Variants in PCDHGB3 observed in about 807,000 individuals in gnomAD.
PCDHGB3 encodes the protein protocadherin gamma subfamily B, 3, also known as protocadherin gamma-B3.
In PCDHGB3, 40 loss-of-function variants were observed where a neutral mutation model predicts 59.2. That is an observed-to-expected ratio of 0.68 (90% CI 0.52 to 0.88). The LOEUF (loss-of-function observed/expected upper bound fraction) is 0.88, where lower values mean the gene tolerates loss of function less well. PCDHGB3 is among the 40% of genes least tolerant of loss of function. The probability of loss-of-function intolerance (pLI) is 0.00; values close to 1 mark genes in which losing one functional copy is unlikely to be tolerated. For missense variants in PCDHGB3, 1,309 were observed against 1,187.9 expected (o/e 1.10, Z -1.50); for synonymous variants, 581 against 503.6 (o/e 1.15, Z -2.06).
intron 1 of PCDHGB3, chr5:141,412,984 C>A: frequency 1.8e-6 from 1 of 558,874 alleles, no homozygotes; most frequent in Non-Finnish European, 3.0e-6. Context: ...GCAGCCAGAG[C>A]TCAATCCGGA....
At position 141,492,138 on chromosome 5, in the gene PCDHGB3, T is replaced by C. The variant is rs577884713; in HGVS notation, c.2416-2669T>C. ...ATTTCTCCCCAGCTCCCAGCATCTG[T>C]GACTTCACTGTTACCCTCCCTATCC... On this transcript the variant is annotated intron_variant, in intron 1 of 3. Coordinates refer to ENST00000576222, the MANE Select transcript of PCDHGB3 (RefSeq NM_018924.5). 2.4e-3 allele frequency among the ~76,000 whole-genome samples: 366 copies of C among 152,312 alleles called. 1 individual carries two copies. Among genetic ancestry groups the C allele is most frequent in the Non-Finnish European group, 3.5e-3 (238 of 68,014 alleles).
intron 1 of PCDHGB3, chr5:141,419,330 C>G (rs2096361200): frequency 1.9e-6 from 3 of 1,613,958 alleles, no homozygotes; most frequent in Non-Finnish European, 2.5e-6. Context: ...CTCCTACTCT[C>G]TCATTGCCAG....
chr5:141,373,392 A>G (rs1769542024), intron 1 of PCDHGB3, among the ~76,000 whole-genome samples: 1 of 152,218 alleles, frequency 6.6e-6, no homozygotes, highest in Non-Finnish European at 1.5e-5. Context: ...TTTGTGTAGC[A>G]TATGCCTGTA....
Position 141,485,627 on chromosome 5 carries a change from T to C in PCDHGB3, c.2416-9180T>C. 3 of 1,612,072 alleles carry C rather than the reference T, an allele frequency of 1.9e-6. No individual in the cohort carries two copies. Among genetic ancestry groups the C allele is most frequent in the Non-Finnish European group, 2.5e-6 (3 of 1,178,530 alleles). On this transcript the variant is annotated intron_variant, in intron 1 of 3. Transcript: ENST00000576222. This position sits in a 1 kb window ranked among gnomAD's most constrained non-coding sequence, Gnocchi z 5.7. ...GGAGGCAGCTCCTCCAGGACAGCGT[T>C]TCCCGTTGGAAAAGGCTCAGGATGC...
rs57426385 is a variant in PCDHGB3 at position 141,415,740 on chromosome 5, G to GTTT, written c.2415+42961_2415+42963dup. ...TGAGTAGAATTTGATGTTTATTAAG[G>GTTT]TTTTTTTTTTTTTTTTTTTTTTTTT... On this transcript the variant is annotated intron_variant, in intron 1 of 3. Transcript: ENST00000576222. 6,178 of 620,014 alleles carry GTTT rather than the reference G, an allele frequency of 1.0e-2. 42 individuals are homozygous for GTTT. Among genetic ancestry groups the GTTT allele is most frequent in the South Asian group, 0.019 (660 of 34,340 alleles). The allele number at this position is 620,014 out of a possible 1,614,324, so 38.4% of individuals were successfully genotyped here. A position where few individuals can be genotyped will look rare whatever the true frequency, so the allele number is the denominator to read the frequency against.
intron 1 of PCDHGB3, chr5:141,405,384 CA>C: frequency 1.9e-6 from 3 of 1,600,664 alleles, no homozygotes; most frequent in Non-Finnish European, 2.6e-6. Context: ...CCGGTGAGTT[CA>C]TTTTTTTTCT....
chr5:141,382,147 C>A (rs1343948050), intron 1 of PCDHGB3, among the ~76,000 whole-genome samples: 1 of 151,884 alleles, frequency 6.6e-6, no homozygotes, highest in East Asian at 1.9e-4. Context: ...ATTTTTTAAA[C>A]GGTTAAAATG....
intron 1 of PCDHGB3, among the ~76,000 whole-genome samples, chr5:141,451,329 A>G (rs991467686): frequency 2.6e-5 from 4 of 152,196 alleles, no homozygotes; most frequent in African/African-American, 9.6e-5. Context: ...ACCTAAGGCT[A>G]TTGTCTTATC....
intron 1 of PCDHGB3, among the ~76,000 whole-genome samples, chr5:141,443,764 C>A (rs1351060316): frequency 6.6e-6 from 1 of 151,708 alleles, no homozygotes; most frequent in Non-Finnish European, 1.5e-5. Flanking sequence ...TTACAATATA[C>A]AATATTACCA....
At chr5:141,400,217 T>A (rs771117256) in intron 1 of PCDHGB3, 1 of 1,613,916 alleles carries the variant, frequency 6.2e-7, no homozygotes, top group Non-Finnish European at 8.5e-7. Flanking sequence ...TTGATCTCAG[T>A]GCTCTTCCTC....
At chr5:141,421,069 AGATG>A in intron 1 of PCDHGB3, 1 of 598,532 alleles carries the variant, frequency 1.7e-6, no homozygotes, top group Non-Finnish European at 2.8e-6. Context: ...AAGCGGAATG[AGATG>A]GATACTCACA....
intron 1 of PCDHGB3, among the ~76,000 whole-genome samples, chr5:141,448,629 C>T (rs1188418541): frequency 6.6e-6 from 1 of 152,060 alleles, no homozygotes; most frequent in Non-Finnish European, 1.5e-5. Flanking sequence ...CCTTTCTTCA[C>T]ATTATATCCT....
Position 141,421,259 on chromosome 5 carries a change from G to C in PCDHGB3, c.2415+48450G>C. The C allele has an allele frequency of 6.2e-7, 1 of 1,609,254 alleles. No individual in the cohort carries two copies. The highest frequency in any genetic ancestry group is 8.5e-7 in the Non-Finnish European group (1 of 1,178,538). The stretch of plus-strand genomic sequence containing the variant: ...AATCGGCTACAGCGCGGGGACCGCA[G>C]TCGGCTGCTGCTGCTGCTGTGCATT... On this transcript the variant is annotated intron_variant, in intron 1 of 3. Transcript: ENST00000576222.
rs1399077321 is a variant in PCDHGB3, at chr5:141,474,090, AAAC to A, written c.2416-20708_2416-20706del. Among the ~76,000 whole-genome samples the A allele has an allele frequency of 2.6e-5, 4 of 152,206 alleles. No individual in the cohort carries two copies. In the East Asian group the frequency reaches 5.8e-4, roughly 22 times the overall value. On this transcript the variant is annotated intron_variant, in intron 1 of 3. Coordinates refer to ENST00000576222, the MANE Select transcript of PCDHGB3 (RefSeq NM_018924.5). ...GCCTCAGAAACAAAAACCAAAAAAC[AAAC>A]AACAACAAAAACAACAACAACGAAA...
At chr5:141,425,018 T>C (rs2096853023) in intron 1 of PCDHGB3, among the ~76,000 whole-genome samples, 1 of 152,224 alleles carries the variant, frequency 6.6e-6, no homozygotes, top group Non-Finnish European at 1.5e-5. Context: ...TTTAGGAATT[T>C]ACCTTATGTC....
intron 1 of PCDHGB3, chr5:141,398,744 G>A: frequency 1.9e-6 from 3 of 1,613,854 alleles, no homozygotes; most frequent in Non-Finnish European, 2.5e-6. Context: ...GAACAACAGA[G>A]TTACCATCGT....
Position 141,485,092 on chromosome 5 carries a change from G to C in PCDHGB3, c.2416-9715G>C, listed in dbSNP as rs2099606725. 3.8e-6 allele frequency: 4 copies of C among 1,065,492 alleles called. No homozygotes were observed. Among genetic ancestry groups the C allele is most frequent in the Non-Finnish European group, 5.6e-6 (4 of 708,358 alleles). The allele number at this position is 1,065,492 out of a possible 1,614,324, so 66.0% of individuals were successfully genotyped here. A position where few individuals can be genotyped will look rare whatever the true frequency, so the allele number is the denominator to read the frequency against. Reference sequence around the variant, plus strand: ...CTGGCGCGGGGAAAGGGAGATAGGTGTCTCCAGCTGCTGTGGCTGTTTGGG... The same window carrying C: ...CTGGCGCGGGGAAAGGGAGATAGGTCTCTCCAGCTGCTGTGGCTGTTTGGG... On this transcript the variant is annotated intron_variant, in intron 1 of 3. Coordinates refer to ENST00000576222, the MANE Select transcript of PCDHGB3 (RefSeq NM_018924.5). This position sits in a 1 kb window ranked among gnomAD's most constrained non-coding sequence, Gnocchi z 5.7.
intron 1 of PCDHGB3, chr5:141,390,019 G>T (rs1047341984): frequency 1.9e-6 from 3 of 1,614,002 alleles, no homozygotes; most frequent in Non-Finnish European, 2.5e-6. Flanking sequence ...ATTGCCTTGC[G>T]CCTGCGACGC....
Position 141,486,200 on chromosome 5 carries a change from G to A in PCDHGB3, c.2416-8607G>A, listed in dbSNP as rs764874531. The stretch of plus-strand genomic sequence containing the variant: ...CAGCCTTCGAGTGGATCTGCTGGAC[G>A]TAAATGACAATGCCCCTTACATCAC... On this transcript the variant is annotated intron_variant, in intron 1 of 3. Transcript: ENST00000576222. The surrounding 1 kb of genome is among the most constrained non-coding windows in gnomAD (Gnocchi z 5.0). The A allele has an allele frequency of 2.0e-5, 32 of 1,614,096 alleles. No homozygotes were observed. Among genetic ancestry groups the A allele is most frequent in the Non-Finnish European group, 2.3e-5 (27 of 1,180,040 alleles).
Sources: gnomAD v4.1 joint callset for allele counts (sites outside exome capture counted in the v4.1 genomes callset) on GRCh38, gnomAD v4.1.1 for gene constraint, Gnocchi (gnomAD v3.1) non-coding constraint, MANE v1.5 for transcripts, NCBI Gene and HGNC (gene_info 2026-07-23, HGNC 2026-07-21) for gene names.